The following MVB12B variants were observed in gnomAD, a reference collection of about 807,000 sequenced individuals.
The protein encoded by MVB12B is multivesicular body subunit 12B.
A neutral mutation model predicts 41.6 loss-of-function variants in MVB12B; 16 were observed. The ratio of observed to expected loss-of-function variants is 0.38; its 90% CI spans 0.26 to 0.58. The LOEUF (loss-of-function observed/expected upper bound fraction) is 0.58, where lower values mean the gene tolerates loss of function less well. MVB12B is among the 20% of genes least tolerant of loss of function. MVB12B has a pLI of 0.62. For synonymous variants in MVB12B, 133 were observed against 139.7 expected (o/e 0.95, Z 0.34); for missense variants, 274 against 380.2 (o/e 0.72, Z 2.32).
intron 2 of MVB12B, among the ~76,000 whole-genome samples, chr9:126,354,899 A>G (rs934439595): frequency 6.6e-6 from 1 of 152,236 alleles, no homozygotes; most frequent in Non-Finnish European, 1.5e-5. Flanking sequence ...TAGAAATATC[A>G]TCGATTTTCA....
intron 2 of MVB12B, among the ~76,000 whole-genome samples, chr9:126,341,819 G>T (rs377700569): frequency 2.0e-5 from 3 of 152,168 alleles, no homozygotes; most frequent in Non-Finnish European, 4.4e-5. Context: ...GGAGCAGGGG[G>T]TGGCTGGGCA....
chr9:126,406,051 G>GT (rs992511219), intron 6 of MVB12B, among the ~76,000 whole-genome samples: 104 of 144,180 alleles, frequency 7.2e-4, no homozygotes, highest in African/African-American at 1.6e-3. Context: ...TTTGTGGGGG[G>GT]TTTTTTTTTT....
intron 6 of MVB12B, among the ~76,000 whole-genome samples, chr9:126,418,989 T>C (rs1831913710): frequency 6.6e-6 from 1 of 152,190 alleles, no homozygotes; most frequent in Non-Finnish European, 1.5e-5. Context: ...CCCACAGATC[T>C]GTATTGATGC....
chr9:126,497,938 T>G (rs964393225), intron 9 of MVB12B, among the ~76,000 whole-genome samples: 5 of 152,152 alleles, frequency 3.3e-5, no homozygotes, highest in African/African-American at 1.2e-4. Context: ...GGCCCTGGAA[T>G]ATGGCTCAGA....
At chr9:126,495,331 G>A (rs902283574) in intron 9 of MVB12B, among the ~76,000 whole-genome samples, 1 of 152,176 alleles carries the variant, frequency 6.6e-6, no homozygotes, top group African/African-American at 2.4e-5. Context: ...GGTGCCACAG[G>A]GAGGGAAGGG....
At chr9:126,383,160 A>C (rs772980471) in intron 3 of MVB12B, among the ~76,000 whole-genome samples, 2 of 152,234 alleles carry the variant, frequency 1.3e-5, no homozygotes, top group African/African-American at 2.4e-5. Context: ...CAGCCAGTCT[A>C]TGCTGGCCCT....
rs1430053679 is a variant in MVB12B at position 126,436,526 on chromosome 9, G to T, written c.757+14578G>T. On this transcript the variant is annotated intron_variant, in intron 7 of 9. Coordinates refer to ENST00000361171, the MANE Select transcript of MVB12B (RefSeq NM_033446.3). The surrounding 1 kb of genome is among the most constrained non-coding windows in gnomAD (Gnocchi z 4.1). ...TAGTATAAAAGTGAAAAGGTTACGT[G>T]TACTAGTTTGAGTATACCTATGACT... Among the ~76,000 whole-genome samples the T allele has an allele frequency of 6.6e-6, 1 of 152,228 alleles. No individual in the cohort carries two copies. Among genetic ancestry groups the T allele is most frequent in the Non-Finnish European group, 1.5e-5 (1 of 68,036 alleles).
intron 7 of MVB12B, among the ~76,000 whole-genome samples, chr9:126,450,970 G>A (rs1832877331): frequency 6.6e-6 from 1 of 152,230 alleles, no homozygotes; most frequent in African/African-American, 2.4e-5. Flanking sequence ...CACATTAAGG[G>A]AGGGAAGCGG....
In MVB12B at chr9:126,386,389, C is replaced by T. The variant is rs1830793136; in HGVS notation, c.313-173C>T. On this transcript the variant is annotated intron_variant, in intron 3 of 9. Coordinates refer to ENST00000361171, the MANE Select transcript of MVB12B (RefSeq NM_033446.3). The surrounding 1 kb of genome is among the most constrained non-coding windows in gnomAD (Gnocchi z 4.3). ...AGATGAAACTCCTTCCCAGGGGCCA[C>T]ACGAGTCCCTGCATAACCACTGGGG... Among the ~76,000 whole-genome samples, 1 of 152,200 alleles carries T rather than the reference C, an allele frequency of 6.6e-6. No individual in the cohort carries two copies.
chr9:126,443,235 G>A (rs1832684114), intron 7 of MVB12B, among the ~76,000 whole-genome samples: 2 of 152,126 alleles, frequency 1.3e-5, no homozygotes, highest in South Asian at 4.1e-4. Flanking sequence ...CCTTTCTCTG[G>A]AACTCAGTTT....
intron 7 of MVB12B, chr9:126,481,050 G>A (rs560883291): frequency 5.7e-5 from 19 of 334,114 alleles, no homozygotes; most frequent in Middle Eastern, 8.4e-4. Context: ...TGACTCTCCC[G>A]TTACAGATCA....
chr9:126,413,818 T>TTTTGTGTGTGTGTG (rs774509551), intron 6 of MVB12B, among the ~76,000 whole-genome samples: 2 of 109,390 alleles, frequency 1.8e-5, no homozygotes, highest in East Asian at 5.4e-4. Context: ...ACCCCATTGG[T>TTTTGTGTGTGTGTG]TGTGTGTGTG....
chr9:126,483,948 AG>A (rs776415091), intron 8 of MVB12B, 24 bp from the exon 9 acceptor site: 2 of 1,613,318 alleles, frequency 1.2e-6, no homozygotes, highest in Admixed American at 1.7e-5. Context: ...GCTATTTAAA[AG>A]GGCAACTTCA....
intron 6 of MVB12B, among the ~76,000 whole-genome samples, chr9:126,406,412 A>T (rs1831427956): frequency 6.6e-6 from 1 of 152,174 alleles, no homozygotes; most frequent in Admixed American, 6.5e-5. Context: ...TGGCTCTTTG[A>T]TAGAGGATGT....
At chr9:126,339,239 G>A (rs7028698) in intron 1 of MVB12B, among the ~76,000 whole-genome samples, 23,944 of 152,166 alleles carry the variant, frequency 0.16, 2,470 homozygotes, top group East Asian at 0.42. Flanking sequence ...ATTTTTAATG[G>A]CCTCTGCCTT....
chr9:126,353,486 G>C (rs1031388194), intron 2 of MVB12B, among the ~76,000 whole-genome samples: 2 of 152,158 alleles, frequency 1.3e-5, no homozygotes, highest in Non-Finnish European at 2.9e-5. Flanking sequence ...TGCCTCAGTT[G>C]TCTTGTCTCA....
At chr9:126,366,380 A>G (rs1830182166) in intron 2 of MVB12B, among the ~76,000 whole-genome samples, 1 of 152,088 alleles carries the variant, frequency 6.6e-6, no homozygotes, top group Non-Finnish European at 1.5e-5. Context: ...CAGAACTAGT[A>G]CATGTTCATT....
intron 4 of MVB12B, among the ~76,000 whole-genome samples, chr9:126,390,499 T>G (rs1830918982): frequency 2.0e-5 from 3 of 152,232 alleles, no homozygotes; most frequent in Admixed American, 2.0e-4. Context: ...CTCCCGTTGG[T>G]CAGCACTGGA....
At chr9:126,464,063 T>G (rs1171472925) in intron 7 of MVB12B, among the ~76,000 whole-genome samples, 4 of 152,176 alleles carry the variant, frequency 2.6e-5, no homozygotes, top group African/African-American at 9.7e-5. Context: ...CATCTGTCTA[T>G]CACCTCATCC....
Sources: allele counts gnomAD v4.1 joint callset (sites outside exome capture counted in the v4.1 genomes callset), GRCh38; gene constraint gnomAD v4.1.1; non-coding constraint Gnocchi (gnomAD v3.1); transcripts MANE v1.5; gene names NCBI Gene and HGNC (gene_info 2026-07-23, HGNC 2026-07-21).